Variants in TACC2 observed in about 807,000 individuals in gnomAD.
TACC2 encodes transforming acidic coiled-coil containing protein 2, also known as transforming acidic coiled-coil-containing protein 2.
Under a neutral mutation model 227.3 loss-of-function variants are expected in TACC2, and 137 were observed. That is an observed-to-expected ratio of 0.60 (90% CI 0.52 to 0.69). The LOEUF is 0.69. Among genes scored for constraint, TACC2 ranks in the 30% least tolerant of loss-of-function variants. The pLI is 0.00. For synonymous variants in TACC2, 1,523 were observed against 1,487.5 expected (o/e 1.02, Z -0.55); for missense variants, 3,470 against 3,694.4 (o/e 0.94, Z 1.57).
intron 18 of TACC2, among the ~76,000 whole-genome samples, chr10:122,239,119 T>G (rs1283594030): frequency 6.6e-6 from 1 of 152,166 alleles, no homozygotes; most frequent in Non-Finnish European, 1.5e-5. Flanking sequence ...TTCTCCTGCC[T>G]CGGCCTCCCA....
intron 7 of TACC2, among the ~76,000 whole-genome samples, chr10:122,153,443 A>C (rs954761795): frequency 6.6e-6 from 1 of 152,178 alleles, no homozygotes; most frequent in African/African-American, 2.4e-5. Flanking sequence ...GGTGGGAACC[A>C]TTTGGGTTGG....
chr10:122,228,496 C>T (rs1316103583), intron 14 of TACC2, among the ~76,000 whole-genome samples: 2 of 152,200 alleles, frequency 1.3e-5, no homozygotes, highest in African/African-American at 2.4e-5. Flanking sequence ...ACCTACCCCC[C>T]AGTCCCTGCA....
At chr10:122,064,672 A>C (rs1441997564) in intron 3 of TACC2, among the ~76,000 whole-genome samples, 1 of 152,222 alleles carries the variant, frequency 6.6e-6, no homozygotes, top group African/African-American at 2.4e-5. Context: ...TGACAAATGC[A>C]TAAGGTCATG....
chr10:122,131,125 C>G (rs928518158), intron 5 of TACC2, among the ~76,000 whole-genome samples: 1 of 149,124 alleles, frequency 6.7e-6, no homozygotes, highest in Non-Finnish European at 1.5e-5. Flanking sequence ...TTACAGTGAG[C>G]CGTCATGGAG....
chr10:121,996,971 A>G, intron 1 of TACC2, among the ~76,000 whole-genome samples: 1 of 151,910 alleles, frequency 6.6e-6, no homozygotes, highest in Non-Finnish European at 1.5e-5. Flanking sequence ...CTTCACTGAG[A>G]GGGTGGGAGG....
intron 5 of TACC2, among the ~76,000 whole-genome samples, chr10:122,100,787 C>G (rs1414150362): frequency 6.6e-6 from 1 of 152,168 alleles, no homozygotes; most frequent in Non-Finnish European, 1.5e-5. Context: ...GGTGTAAGTG[C>G]AGAAGCAGGC....
intron 8 of TACC2, 35 bp downstream of exon 8, chr10:122,195,211 G>A (rs2094526473): frequency 1.3e-6 from 2 of 1,570,782 alleles, no homozygotes; most frequent in Non-Finnish European, 1.7e-6. Context: ...AGACAGCCCT[G>A]TAGAGTTGTG....
chr10:122,047,960 A>G (rs535294787), intron 2 of TACC2, among the ~76,000 whole-genome samples: 3 of 152,278 alleles, frequency 2.0e-5, no homozygotes, highest in Non-Finnish European at 4.4e-5. Flanking sequence ...TTTGGACACA[A>G]TGGGATGAAC....
At chr10:122,039,463 G>A (rs2073981434) in intron 2 of TACC2, among the ~76,000 whole-genome samples, 1 of 152,080 alleles carries the variant, frequency 6.6e-6, no homozygotes, top group South Asian at 2.1e-4. Flanking sequence ...TGCAGAAAAA[G>A]GCGTGGGAAT....
chr10:122,028,072 C>G (rs1247099870), intron 2 of TACC2, among the ~76,000 whole-genome samples: 2 of 117,232 alleles, frequency 1.7e-5, no homozygotes, highest in African/African-American at 7.7e-5. Context: ...TTTCTTTTTT[C>G]TTTCTTTCTT....
At chr10:122,153,185 A>C (rs1003713465) in intron 7 of TACC2, among the ~76,000 whole-genome samples, 14 of 152,106 alleles carry the variant, frequency 9.2e-5, no homozygotes, top group African/African-American at 3.4e-4. Flanking sequence ...TAGTAAAGAC[A>C]GAGTTTCACC....
At chr10:122,080,713 A>C (rs932641322) in intron 3 of TACC2, among the ~76,000 whole-genome samples, 1 of 152,182 alleles carries the variant, frequency 6.6e-6, no homozygotes, top group Non-Finnish European at 1.5e-5. Context: ...TATTTTAAAA[A>C]TTTAACAATA....
At chr10:122,218,490 C>T (rs888733010) in intron 11 of TACC2, among the ~76,000 whole-genome samples, 3 of 152,122 alleles carry the variant, frequency 2.0e-5, no homozygotes, top group African/African-American at 7.2e-5. Context: ...TTTGTGCCCA[C>T]GAGGTCTTGG....
chr10:122,178,391 C>T (rs2093826234), intron 7 of TACC2, among the ~76,000 whole-genome samples: 2 of 150,326 alleles, frequency 1.3e-5, no homozygotes, highest in Admixed American at 6.6e-5. Flanking sequence ...CACACACCAC[C>T]ACACGTGGCT....
At position 122,230,376 on chromosome 10, in the gene TACC2, G is replaced by A. The variant is rs760546620; in HGVS notation, c.8063G>A (p.Arg2688Gln). ...GAGGAGTTAGAGTTTGCCATCATGC[G>A]GATAGAAGCCCTGAAGCTGGCCAGG... ...LQEELEFAIM[R>Q]IEALKLARQI... Residue 2688 changes from arginine (R) to glutamine (Q), a missense_variant, in exon 16 of 23, where the codon CGG becomes CAG. Around this residue, in one of 10 missense-constraint regions of TACC2, gnomAD observed 345 missense variants for 354.4 expected, o/e 0.97. Coordinates refer to ENST00000369005, the MANE Select transcript of TACC2 (RefSeq NM_206862.4). The A allele has an allele frequency of 1.9e-6, 3 of 1,614,030 alleles. No homozygotes were observed. Among genetic ancestry groups the A allele is most frequent in the Admixed American group, 1.7e-5 (1 of 60,010 alleles).
chr10:122,088,417 A>C, intron 4 of TACC2, 61 bp from the exon 5 acceptor site: 1 of 1,432,734 alleles, frequency 7.0e-7, no homozygotes, highest in East Asian at 2.4e-5. Flanking sequence ...TCAATAGGAC[A>C]TGAGGAGAAA....
At chr10:122,155,245 A>G (rs1394301099) in intron 7 of TACC2, among the ~76,000 whole-genome samples, 3 of 152,368 alleles carry the variant, frequency 2.0e-5, no homozygotes, top group Middle Eastern at 6.8e-3. Flanking sequence ...GTCCGGCCTC[A>G]GAAACCAGCT....
intron 14 of TACC2, among the ~76,000 whole-genome samples, chr10:122,228,610 G>T (rs574100009): frequency 2.7e-4 from 41 of 152,130 alleles, no homozygotes; most frequent in Non-Finnish European, 5.0e-4. Flanking sequence ...GTGAATTTTA[G>T]TTTTATTTCC....
chr10:122,043,465 CTTTCTTTCTTTTTCTCTTTCTT>C (rs1427125048), intron 2 of TACC2, among the ~76,000 whole-genome samples: 3 of 151,226 alleles, frequency 2.0e-5, no homozygotes, highest in African/African-American at 7.3e-5. Context: ...CTTTCTCTTT[CTTTCTTTCTTTTTCTCTTTCTT>C]TTTCTTTCTT....
Sources: allele counts gnomAD v4.1 joint callset (sites outside exome capture counted in the v4.1 genomes callset), GRCh38; gene constraint gnomAD v4.1.1; regional missense constraint gnomAD v4.1.1; transcripts MANE v1.5; gene names NCBI Gene and HGNC (gene_info 2026-07-23, HGNC 2026-07-21).